Variants in ADGRL2 observed in about 807,000 individuals in gnomAD.
ADGRL2 encodes the protein calcium-independent alpha-latrotoxin receptor 2.
A neutral mutation model predicts 157.4 loss-of-function variants in ADGRL2; 44 were observed. The observed-to-expected ratio is 0.28, with a 90% confidence interval of 0.22 to 0.36. ADGRL2 has a LOEUF of 0.36. ADGRL2 is among the 10% of genes least tolerant of loss of function. ADGRL2 has a pLI of 1.00. For missense variants in ADGRL2, 1,510 were observed against 1,768.9 expected (o/e 0.85, Z 2.63); for synonymous variants, 585 against 624.7 (o/e 0.94, Z 0.95).
At chr1:81,663,378 C>G (rs2082695587) in intron 3 of ADGRL2, among the ~76,000 whole-genome samples, 1 of 152,186 alleles carries the variant, frequency 6.6e-6, no homozygotes, top group Non-Finnish European at 1.5e-5. Flanking sequence ...CCATACACCT[C>G]TCGCCTACGA....
At chr1:81,486,297 G>T (rs1205550854) in intron 2 of ADGRL2, among the ~76,000 whole-genome samples, 1 of 152,060 alleles carries the variant, frequency 6.6e-6, no homozygotes, top group Non-Finnish European at 1.5e-5. Context: ...GCTCCTCAAG[G>T]TCAGGAACCA....
At chr1:81,764,433 C>G (rs1185550517) in intron 2 of ADGRL2, among the ~76,000 whole-genome samples, 1 of 151,874 alleles carries the variant, frequency 6.6e-6, no homozygotes, top group African/African-American at 2.4e-5. Context: ...AGAACTAAGC[C>G]AAAAATTTTA....
chr1:81,522,376 T>C (rs2079340472), intron 2 of ADGRL2, among the ~76,000 whole-genome samples: 1 of 152,174 alleles, frequency 6.6e-6, no homozygotes, highest in Non-Finnish European at 1.5e-5. Context: ...TGGTTGGTAG[T>C]GATTAAGTGA....
At chr1:81,552,302 A>G (rs1359347484) in intron 2 of ADGRL2, among the ~76,000 whole-genome samples, 2 of 152,132 alleles carry the variant, frequency 1.3e-5, no homozygotes, top group African/African-American at 4.8e-5. Context: ...GATTTGGCTG[A>G]TTCTCATGAG....
chr1:81,349,142 C>A (rs897672141), intron 1 of ADGRL2, among the ~76,000 whole-genome samples: 2 of 152,094 alleles, frequency 1.3e-5, no homozygotes, highest in Non-Finnish European at 2.9e-5. Context: ...AATTGCCTCC[C>A]AAGAGCTAAG....
At chr1:81,894,390 T>C (rs2094336996) in intron 2 of ADGRL2, among the ~76,000 whole-genome samples, 1 of 152,198 alleles carries the variant, frequency 6.6e-6, no homozygotes, top group South Asian at 2.1e-4. Context: ...CCAAGAGCAT[T>C]CATTGAGAAA....
Position 81,312,531 on chromosome 1 carries a change from G to A in ADGRL2, c.-302+6022G>A, listed in dbSNP as rs149345592. On this transcript the variant is annotated intron_variant, in intron 1 of 24. Coordinates refer to the ADGRL2 transcript ENST00000370721. ...AAGGTCCCAGTTCCTCCAAATATTC[G>A]GGGTAGGTAAAGGAACTAAACATAT... 5.6e-3 allele frequency among the ~76,000 whole-genome samples: 854 copies of A among 152,280 alleles called. 9 individuals are homozygous for A. Among genetic ancestry groups the A allele is most frequent in the African/African-American group, 0.019 (803 of 41,558 alleles).
At chr1:81,853,616 G>A (rs1197418062) in intron 2 of ADGRL2, among the ~76,000 whole-genome samples, 1 of 152,120 alleles carries the variant, frequency 6.6e-6, no homozygotes, top group Non-Finnish European at 1.5e-5. Context: ...ATGTGAATAA[G>A]CAGTGAAATT....
intron 6 of ADGRL2, among the ~76,000 whole-genome samples, chr1:81,947,193 G>A (rs1231076174): frequency 6.6e-6 from 1 of 152,100 alleles, no homozygotes; most frequent in Admixed American, 6.6e-5. Context: ...ATTCTATTGT[G>A]AGTTGTGTTT....
At chr1:81,681,190 T>C (rs1404231747) in intron 3 of ADGRL2, among the ~76,000 whole-genome samples, 2 of 152,190 alleles carry the variant, frequency 1.3e-5, no homozygotes, top group South Asian at 2.1e-4. Context: ...GTGAGTCTGA[T>C]GTAATTTGGT....
At chr1:81,928,546 T>C (rs958655072) in intron 3 of ADGRL2, among the ~76,000 whole-genome samples, 1 of 152,116 alleles carries the variant, frequency 6.6e-6, no homozygotes, top group African/African-American at 2.4e-5. Flanking sequence ...TCCCACTTTC[T>C]AGTAGTTTCT....
In ADGRL2 at chr1:81,402,525, A is replaced by AG. The variant is rs566110317; in HGVS notation, c.-301-42510dup. Reference sequence around the variant, plus strand: ...TAACCTATAGGTTCTAACCATAGCCAGCTTGTTTTAATAAGATTTCAGAAA... The same window carrying AG: ...TAACCTATAGGTTCTAACCATAGCCAGGCTTGTTTTAATAAGATTTCAGAAA... On this transcript the variant is annotated intron_variant, in intron 1 of 24. Coordinates refer to the ADGRL2 transcript ENST00000370721. Among the ~76,000 whole-genome samples the AG allele has an allele frequency of 9.2e-5, 14 of 152,320 alleles. No individual in the cohort carries two copies. The South Asian group carries it at 2.1e-3, about 23-fold the overall frequency.
chr1:81,967,335 C>T (rs1028835102), intron 13 of ADGRL2, among the ~76,000 whole-genome samples: 20 of 151,160 alleles, frequency 1.3e-4, no homozygotes, highest in Admixed American at 1.1e-3. Context: ...GATCTCGGCT[C>T]ACTGCCAGCT....
At chr1:81,887,110 C>A (rs2094144890) in intron 2 of ADGRL2, among the ~76,000 whole-genome samples, 1 of 152,158 alleles carries the variant, frequency 6.6e-6, no homozygotes, top group Admixed American at 6.5e-5. Context: ...TACACTGATA[C>A]TAAATACGAT....
At chr1:81,690,669 A>T (rs2083313639) in intron 3 of ADGRL2, among the ~76,000 whole-genome samples, 1 of 152,132 alleles carries the variant, frequency 6.6e-6, no homozygotes, top group African/African-American at 2.4e-5. Flanking sequence ...AAATCACAGG[A>T]TTGGCCACCT....
At chr1:81,608,963 C>T (rs2081487753) in intron 3 of ADGRL2, among the ~76,000 whole-genome samples, 1 of 152,038 alleles carries the variant, frequency 6.6e-6, no homozygotes. Context: ...CCTCTGCTCT[C>T]TTGAGAGGTT....
chr1:81,329,057 G>T (rs536554754), intron 1 of ADGRL2, among the ~76,000 whole-genome samples: 1 of 150,504 alleles, frequency 6.6e-6, no homozygotes, highest in African/African-American at 2.4e-5. Context: ...TCAATTAGTG[G>T]ATTCTTCCCT....
upstream of ADGRL2, among the ~76,000 whole-genome samples, chr1:81,696,438 A>G (rs1434811423): frequency 6.6e-6 from 1 of 152,150 alleles, no homozygotes; most frequent in Non-Finnish European, 1.5e-5. Context: ...GATATCATGG[A>G]GAATGGGGCA....
intron 1 of ADGRL2, among the ~76,000 whole-genome samples, chr1:81,340,916 C>T (rs1182562261): frequency 2.0e-5 from 3 of 150,338 alleles, no homozygotes; most frequent in Non-Finnish European, 4.4e-5. Flanking sequence ...TTAAATGGAA[C>T]CTTAAAGATC....
Sources: allele counts gnomAD v4.1 joint callset (sites outside exome capture counted in the v4.1 genomes callset), GRCh38; gene constraint gnomAD v4.1.1; transcripts MANE v1.5; gene names NCBI Gene and HGNC (gene_info 2026-07-23, HGNC 2026-07-21).